The following CYP39A1 variants were observed in gnomAD, a reference collection of about 807,000 sequenced individuals.
The protein encoded by CYP39A1 is cytochrome P450 family 39 subfamily A member 1.
A neutral mutation model predicts 58.1 loss-of-function variants in CYP39A1; 49 were observed. The observed-to-expected ratio is 0.84, with a 90% CI of 0.67 to 1.07. The LOEUF (loss-of-function observed/expected upper bound fraction) is 1.07. Among genes scored for constraint, CYP39A1 ranks in the 50% least tolerant of loss-of-function variants. CYP39A1 has a pLI of 0.00. For missense variants in CYP39A1, 531 were observed against 539.4 expected (o/e 0.98, Z 0.16); for synonymous variants, 209 against 187.6 (o/e 1.11, Z -0.93).
chr6:46,565,520 TAAAA>T (rs1294050497), intron 10 of CYP39A1, among the ~76,000 whole-genome samples: 1 of 145,628 alleles, frequency 6.9e-6, no homozygotes, highest in East Asian at 2.0e-4. Flanking sequence ...ATAAATAAAA[TAAAA>T]AAAGGAGATG....
At position 46,599,313 on chromosome 6, in the gene CYP39A1, C is replaced by T. The variant is rs189309368; in HGVS notation, c.932-3193G>A. On this transcript the variant is annotated intron_variant, in intron 7 of 11. Transcript: ENST00000275016. ...GAGCACAGCGGTGACAGTGACCAGA[C>T]GGGGGAGGGAGGTGTCAGAGAGGCT... is the stretch of plus-strand genomic sequence containing the variant. Among the ~76,000 whole-genome samples, 411 of 151,998 alleles carry T rather than the reference C, an allele frequency of 2.7e-3. 3 individuals carry two copies. The highest frequency in any genetic ancestry group is 9.5e-3 in the African/African-American group (393 of 41,422).
intron 3 of CYP39A1, 124 bp from the exon 4 acceptor site, chr6:46,638,102 T>TG: frequency 1.1e-6 from 1 of 946,340 alleles, no homozygotes; most frequent in South Asian, 2.0e-5. Context: ...CAGATTCTCT[T>TG]GGGAAAAAGT....
intron 10 of CYP39A1, among the ~76,000 whole-genome samples, chr6:46,554,695 G>A (rs1233814033): frequency 6.6e-6 from 1 of 152,220 alleles, no homozygotes; most frequent in East Asian, 1.9e-4. Flanking sequence ...TGCAGGATAG[G>A]GAAACCTTTT....
chr6:46,560,698 G>T (rs779183613), intron 10 of CYP39A1, among the ~76,000 whole-genome samples: 2 of 152,088 alleles, frequency 1.3e-5, no homozygotes, highest in Non-Finnish European at 2.9e-5. Context: ...ATAAATATAA[G>T]AGTCATCATT....
At chr6:46,574,339 A>G (rs1771743449) in intron 10 of CYP39A1, among the ~76,000 whole-genome samples, 1 of 152,166 alleles carries the variant, frequency 6.6e-6, no homozygotes, top group Non-Finnish European at 1.5e-5. Flanking sequence ...CGTAAAGGAG[A>G]GAGGGGGCAG....
intron 7 of CYP39A1, among the ~76,000 whole-genome samples, chr6:46,623,019 A>G (rs9463223): frequency 0.19 from 29,063 of 152,102 alleles, 2,991 homozygotes; most frequent in African/African-American, 0.27. Context: ...CCTAGAAGTG[A>G]GTGTTGAAGC....
intron 10 of CYP39A1, among the ~76,000 whole-genome samples, chr6:46,573,253 A>C (rs1771685880): frequency 6.6e-6 from 1 of 152,010 alleles, no homozygotes; most frequent in Non-Finnish European, 1.5e-5. Context: ...ATATCTGTGC[A>C]TTTGAGGTAG....
At chr6:46,652,122 C>T (rs1762733044) in intron 1 of CYP39A1, among the ~76,000 whole-genome samples, 1 of 152,238 alleles carries the variant, frequency 6.6e-6, no homozygotes, top group Non-Finnish European at 1.5e-5. Context: ...TTAACACATA[C>T]ACATTTGGAA....
At chr6:46,595,790 T>C (rs927457937) in intron 8 of CYP39A1, among the ~76,000 whole-genome samples, 197 bp downstream of exon 8, 43 of 152,100 alleles carry the variant, frequency 2.8e-4, no homozygotes, top group Admixed American at 1.0e-3. Flanking sequence ...AAGTGATGCA[T>C]ATTTTAATTA....
chr6:46,603,208 G>A (rs1163944111), intron 7 of CYP39A1, among the ~76,000 whole-genome samples: 2 of 152,122 alleles, frequency 1.3e-5, no homozygotes, highest in Non-Finnish European at 2.9e-5. Flanking sequence ...TTGGAAATGT[G>A]AAAGAAAAAT....
intron 1 of CYP39A1, among the ~76,000 whole-genome samples, chr6:46,650,484 CTTTTTTTT>C (rs567314746): frequency 2.0e-4 from 7 of 35,172 alleles, no homozygotes; most frequent in African/African-American, 5.2e-4. Flanking sequence ...CAGTCATATT[CTTTTTTTT>C]TTTTTTTTTT....
chr6:46,648,007 A>G (rs578090188), intron 1 of CYP39A1, among the ~76,000 whole-genome samples: 94 of 152,286 alleles, frequency 6.2e-4, no homozygotes, highest in Admixed American at 3.3e-3. Flanking sequence ...TAAAGTCAGG[A>G]AACAACAGGT....
chr6:46,568,520 T>C (rs1771413877), intron 10 of CYP39A1, among the ~76,000 whole-genome samples: 1 of 152,154 alleles, frequency 6.6e-6, no homozygotes, highest in African/African-American at 2.4e-5. Context: ...TCTAAGATTT[T>C]TATAGTTTTA....
intron 7 of CYP39A1, among the ~76,000 whole-genome samples, chr6:46,607,404 G>A (rs1387020190): frequency 6.7e-6 from 1 of 150,338 alleles, no homozygotes; most frequent in Non-Finnish European, 1.5e-5. Context: ...AATCACTAAA[G>A]GATGTCCTTC....
At chr6:46,621,117 T>A (rs1171699618) in intron 7 of CYP39A1, among the ~76,000 whole-genome samples, 1 of 152,052 alleles carries the variant, frequency 6.6e-6, no homozygotes, top group Non-Finnish European at 1.5e-5. Flanking sequence ...ATCATAAAGT[T>A]AAAAAATCAA....
At chr6:46,590,576 T>C (rs1772771447) in intron 8 of CYP39A1, among the ~76,000 whole-genome samples, 1 of 152,148 alleles carries the variant, frequency 6.6e-6, no homozygotes, top group African/African-American at 2.4e-5. Context: ...ATTTTTTAAA[T>C]TAAAGAGTAT....
intron 7 of CYP39A1, among the ~76,000 whole-genome samples, chr6:46,617,323 T>C (rs954118989): frequency 4.6e-5 from 7 of 152,194 alleles, no homozygotes; most frequent in Middle Eastern, 3.2e-3. Flanking sequence ...GTTATAAATG[T>C]TAATACATAG....
intron 11 of CYP39A1, among the ~76,000 whole-genome samples, chr6:46,550,681 G>C (rs140273101): frequency 1.3e-5 from 2 of 152,250 alleles, no homozygotes; most frequent in East Asian, 1.9e-4. Flanking sequence ...ACACCTGAAG[G>C]CTATAGGCCT....
At chr6:46,597,678 T>C (rs564517326) in intron 7 of CYP39A1, among the ~76,000 whole-genome samples, 2 of 152,058 alleles carry the variant, frequency 1.3e-5, no homozygotes, top group Admixed American at 6.6e-5. Flanking sequence ...ATGGGTCCAG[T>C]TTGCCCAGAA....
Sources: gnomAD v4.1 joint callset for allele counts (sites outside exome capture counted in the v4.1 genomes callset) on GRCh38, gnomAD v4.1.1 for gene constraint, MANE v1.5 for transcripts, NCBI Gene and HGNC (gene_info 2026-07-23, HGNC 2026-07-21) for gene names.